The following TET1 variants were observed in gnomAD, a reference collection of about 807,000 sequenced individuals.
The protein encoded by TET1 is methylcytosine dioxygenase TET1.
TET1 carries 13 observed loss-of-function variants against 148.7 expected under a neutral mutation model. The observed-to-expected ratio is 0.09, with a 90% confidence interval of 0.06 to 0.14. TET1 has a LOEUF of 0.14. TET1 is among the 10% of genes least tolerant of loss of function. The pLI, the probability that TET1 is intolerant of heterozygous loss-of-function variation, is 1.00. For missense variants in TET1, 2,182 were observed against 2,553.8 expected (o/e 0.85, Z 3.14); for synonymous variants, 907 against 937.2 (o/e 0.97, Z 0.59).
At chr10:68,611,877 A>AGG (rs2054220829) in intron 3 of TET1, among the ~76,000 whole-genome samples, 1 of 98,072 alleles carries the variant, frequency 1.0e-5, no homozygotes, top group Non-Finnish European at 2.0e-5. Context: ...AGAGAGAGAG[A>AGG]GAGGGAGGGA....
intron 3 of TET1, among the ~76,000 whole-genome samples, chr10:68,605,636 A>G (rs1383156477): frequency 2.0e-5 from 3 of 152,112 alleles, no homozygotes; most frequent in Non-Finnish European, 4.4e-5. Flanking sequence ...GCCTCAGCCT[A>G]CTAAGAACTG....
At chr10:68,614,703 C>T (rs2054263588) in intron 3 of TET1, among the ~76,000 whole-genome samples, 2 of 152,080 alleles carry the variant, frequency 1.3e-5, no homozygotes, top group Non-Finnish European at 2.9e-5. Flanking sequence ...AAGCAGTTCT[C>T]GTGCCTGAGT....
At chr10:68,647,041 G>A (rs369715397) in intron 4 of TET1, 36 bp downstream of exon 4, 3 of 1,553,420 alleles carry the variant, frequency 1.9e-6, no homozygotes, top group Non-Finnish European at 2.6e-6. Flanking sequence ...TATTTCACCT[G>A]CACAAATTAC....
At chr10:68,569,333 C>T (rs551407082) in intron 1 of TET1, among the ~76,000 whole-genome samples, 38 of 151,690 alleles carry the variant, frequency 2.5e-4, no homozygotes, top group Non-Finnish European at 3.7e-4. Flanking sequence ...CCACCAGGCC[C>T]GGCTAATATT....
In TET1 at chr10:68,574,001, C is replaced by T; in HGVS notation, c.1663C>T (p.His555Tyr). 1 of 1,614,140 alleles carries T rather than the reference C, an allele frequency of 6.2e-7. No individual in the cohort carries two copies. The highest frequency in any genetic ancestry group is 8.5e-7 in the Non-Finnish European group (1 of 1,180,026). ...SSQVSVTSTVHVVNTTVVTMP... is the reference protein window; with the variant it reads ...SSQVSVTSTVYVVNTTVVTMP... ...CCAGGTCAGTGTAACCAGCACAGTT[C>T]ATGTTGTCAACACCACAGTGGTGAC... is the stretch of plus-strand genomic sequence containing the variant. The change falls in exon 2 of 12, where the codon CAT (histidine) becomes TAT (tyrosine). Residue 555 changes from histidine (H) to tyrosine (Y), a missense_variant. Transcript: ENST00000373644.
chr10:68,664,814 G>C (rs999251796), intron 6 of TET1, among the ~76,000 whole-genome samples: 1 of 140,006 alleles, frequency 7.1e-6, no homozygotes, highest in African/African-American at 2.7e-5. Context: ...AGTTTCTGTC[G>C]CCCATGCTGG....
In TET1 at chr10:68,637,826, G is replaced by A. The variant is rs567015733; in HGVS notation, c.1969-6872G>A. 3.4e-4 allele frequency among the ~76,000 whole-genome samples: 51 copies of A among 150,542 alleles called. 1 individual carries two copies. The highest frequency in any genetic ancestry group is 2.3e-3 in the South Asian group (11 of 4,724). On this transcript the variant is annotated intron_variant, in intron 3 of 11. Transcript: ENST00000373644. ...GATGGTTGCAGTGAGCCAAGATGGC[G>A]CCACTACACTCCAGCATGGGTGACA... is the stretch of plus-strand genomic sequence containing the variant.
At chr10:68,601,163 C>A in intron 3 of TET1, 129 bp downstream of exon 3, 1 of 744,850 alleles carries the variant, frequency 1.3e-6, no homozygotes, top group East Asian at 2.9e-5. Context: ...GATGAATTTC[C>A]ACTCAACTAA....
intron 3 of TET1, among the ~76,000 whole-genome samples, chr10:68,624,654 TTC>T (rs2054438386): frequency 5.1e-5 from 3 of 58,406 alleles, no homozygotes; most frequent in Non-Finnish European, 9.3e-5. Context: ...CTTTCTTTCT[TTC>T]TTTCTCTCTC....
rs1278398214 is a variant in TET1, at chr10:68,574,019, G to A, written c.1681G>A (p.Val561Met). Reference sequence around the variant, plus strand: ...CACAGTTCATGTTGTCAACACCACAGTGGTGACTATGCCAGTGCCAATGGT... The same window carrying A: ...CACAGTTCATGTTGTCAACACCACAATGGTGACTATGCCAGTGCCAATGGT... ...TSTVHVVNTT[V>M]VTMPVPMVST... Residue 561 changes from valine to methionine, a missense_variant, in exon 2 of 12, where the codon GTG becomes ATG. By Grantham distance (21) the Val-to-Met change is conservative. Around this residue, in one of 11 missense-constraint regions of TET1, gnomAD observed 665 missense variants for 672.4 expected, o/e 0.99. Coordinates refer to ENST00000373644, the MANE Select transcript of TET1 (RefSeq NM_030625.3). 1 of 1,614,162 alleles carries A rather than the reference G, an allele frequency of 6.2e-7. No homozygotes were observed. Among genetic ancestry groups the A allele is most frequent in the Non-Finnish European group, 8.5e-7 (1 of 1,180,044 alleles).
At chr10:68,586,495 T>TG (rs2053863610) in intron 2 of TET1, among the ~76,000 whole-genome samples, 1 of 151,286 alleles carries the variant, frequency 6.6e-6, no homozygotes, top group Admixed American at 6.6e-5. Flanking sequence ...GTTTTTTTTT[T>TG]TTTTTTAATT....
At chr10:68,618,258 G>A (rs2054323611) in intron 3 of TET1, among the ~76,000 whole-genome samples, 1 of 152,064 alleles carries the variant, frequency 6.6e-6, no homozygotes, top group South Asian at 2.1e-4. Flanking sequence ...AGTTAAAATG[G>A]CTAAGTTTGG....
At chr10:68,642,252 C>A (rs890642247) in intron 3 of TET1, among the ~76,000 whole-genome samples, 3 of 151,974 alleles carry the variant, frequency 2.0e-5, no homozygotes, top group South Asian at 4.2e-4. Flanking sequence ...CATAGAGAGA[C>A]CCTGTCTCTA....
At chr10:68,609,168 TA>T (rs2054170638) in intron 3 of TET1, among the ~76,000 whole-genome samples, 1 of 152,018 alleles carries the variant, frequency 6.6e-6, no homozygotes, top group Admixed American at 6.6e-5. Context: ...TGACTAATTT[TA>T]TTTTTTTTTG....
chr10:68,670,718 A>G (rs2055261717), intron 7 of TET1, among the ~76,000 whole-genome samples: 1 of 152,170 alleles, frequency 6.6e-6, no homozygotes, highest in African/African-American at 2.4e-5. Context: ...AATTTATTCT[A>G]TTCAAAATGT....
chr10:68,592,602 C>A (rs972998809), intron 2 of TET1, among the ~76,000 whole-genome samples: 1 of 132,894 alleles, frequency 7.5e-6, no homozygotes, highest in Non-Finnish European at 1.7e-5. Flanking sequence ...ATTTGTATCT[C>A]CCCATGGCCC....
At chr10:68,568,857 A>C (rs2053635369) in intron 1 of TET1, among the ~76,000 whole-genome samples, 1 of 152,138 alleles carries the variant, frequency 6.6e-6, no homozygotes. Flanking sequence ...TCTCAAAAAA[A>C]AAGAAAAAGA....
intron 6 of TET1, among the ~76,000 whole-genome samples, chr10:68,657,748 G>A (rs868840088): frequency 3.9e-5 from 6 of 152,194 alleles, no homozygotes; most frequent in Admixed American, 3.9e-4. Context: ...TTAGAGCTGG[G>A]AATCTGCTGG....
chr10:68,624,101 TTTC>T (rs936573348), intron 3 of TET1, among the ~76,000 whole-genome samples: 1 of 148,704 alleles, frequency 6.7e-6, no homozygotes, highest in African/African-American at 2.6e-5. Flanking sequence ...CTTTCTTTCT[TTTC>T]TTTTTTTTTT....
Sources: allele counts gnomAD v4.1 joint callset (sites outside exome capture counted in the v4.1 genomes callset), GRCh38; gene constraint gnomAD v4.1.1; regional missense constraint gnomAD v4.1.1; transcripts MANE v1.5; gene names NCBI Gene and HGNC (gene_info 2026-07-23, HGNC 2026-07-21).